The following DCAF10 variants were observed in gnomAD, a reference collection of about 807,000 sequenced individuals.
The protein encoded by DCAF10 is DDB1 and CUL4 associated factor 10, also known as DDB1- and CUL4-associated factor 10.
A neutral mutation model predicts 51.9 loss-of-function variants in DCAF10; 19 were observed. That is an observed-to-expected ratio of 0.37 (90% CI 0.26 to 0.54). DCAF10 has a LOEUF of 0.54. Ranked by LOEUF, DCAF10 falls within the 20% of genes least tolerant of loss-of-function variation. The probability of loss-of-function intolerance (pLI) is 0.87; values close to 1 mark genes in which losing one functional copy is unlikely to be tolerated. For missense variants in DCAF10, 510 were observed against 730.6 expected, an observed-to-expected ratio of 0.70 and a Z score of 3.48; for synonymous variants, 291 against 297.1, an observed-to-expected ratio of 0.98 and a Z score of 0.21.
Position 37,809,093 on chromosome 9 carries a change from G to GA in DCAF10, c.539+7703dup, listed in dbSNP as rs60046914. 8.9e-3 allele frequency among the ~76,000 whole-genome samples: 871 copies of GA among 97,858 alleles called. 3 individuals are homozygous for GA. Among genetic ancestry groups the GA allele is most frequent in the East Asian group, 0.036 (114 of 3,188 alleles). The allele number at this position is 97,858 out of a possible 152,430, so 64.2% of individuals were successfully genotyped here. ...TGACAGAATGAGACTCTGTCTCAAA[G>GA]AAAAAAAAAAAAAAAGATAACTAGA... On this transcript the variant is annotated intron_variant, in intron 1 of 6. Coordinates refer to ENST00000377724, the MANE Select transcript of DCAF10 (RefSeq NM_024345.5).
intron 2 of DCAF10, among the ~76,000 whole-genome samples, chr9:37,819,651 G>C (rs1215956718): frequency 6.6e-6 from 1 of 152,102 alleles, no homozygotes; most frequent in Admixed American, 6.5e-5. Context: ...ATATATTAGG[G>C]TCATCATTAT....
At chr9:37,826,375 A>T (rs1829851970) in intron 2 of DCAF10, among the ~76,000 whole-genome samples, 1 of 152,244 alleles carries the variant, frequency 6.6e-6, no homozygotes, top group South Asian at 2.1e-4. Flanking sequence ...GCAAAAATTT[A>T]AAAGCTGGAT....
chr9:37,811,428 C>T (rs1032116059), intron 1 of DCAF10, among the ~76,000 whole-genome samples: 6 of 152,026 alleles, frequency 3.9e-5, no homozygotes, highest in South Asian at 2.1e-4. Flanking sequence ...CAAAGAGATT[C>T]GTTGTCTGAA....
intron 1 of DCAF10, among the ~76,000 whole-genome samples, chr9:37,816,550 A>G (rs1829538925): frequency 6.6e-6 from 1 of 152,160 alleles, no homozygotes; most frequent in Non-Finnish European, 1.5e-5. Context: ...AGATTGTGCC[A>G]TTGCACTCCA....
In DCAF10 at chr9:37,800,871, T is replaced by C. The variant is rs1564020171; in HGVS notation, c.5T>C (p.Phe2Ser). Reference protein sequence around the residue: MFPFGPHSPGGD... With the variant: MSPFGPHSPGGD... ...CGGGGGGCGGGGGCGTTGATCATGT[T>C]TCCCTTTGGGCCCCATAGCCCTGGA... Residue 2 changes from phenylalanine to serine, a missense_variant, in exon 1 of 7, where the codon TTT (phenylalanine) becomes TCT (serine). Around this residue, in one of 4 missense-constraint regions of DCAF10, gnomAD observed 251 missense variants for 227.9 expected, o/e 1.10. Coordinates refer to ENST00000377724, the MANE Select transcript of DCAF10 (RefSeq NM_024345.5). 1.3e-6 allele frequency: 2 copies of C among 1,494,006 alleles called. No individual in the cohort carries two copies. The highest frequency in any genetic ancestry group is 2.5e-5 in the East Asian group (1 of 40,486). The allele number at this position is 1,494,006 out of a possible 1,614,324, so 92.5% of individuals were successfully genotyped here.
chr9:37,808,805 A>ATATAAAATATATATTT (rs1829239499), intron 1 of DCAF10, among the ~76,000 whole-genome samples: 1 of 28,760 alleles, frequency 3.5e-5, no homozygotes, highest in Non-Finnish European at 1.1e-4. Context: ...TTTGGAAGTC[A>ATATAAAATATATATTT]AGAGACAAGT....
chr9:37,861,338 T>G lies in DCAF10; in HGVS notation c.1510T>G (p.Cys504Gly), dbSNP rs781249730. ...GIRLLGFDKQ[C>G]SELVDCLPKE... ...TCGCTTGTTGGGATTTGACAAACAG[T>G]GCAGTGAACTTGTTGACTGCTTGCC... is the stretch of plus-strand genomic sequence containing the variant. The change falls in exon 7 of 7, where the codon TGC becomes GGC. Residue 504 changes from cysteine to glycine, a missense_variant. By Grantham distance (159) the Cys-to-Gly change is radical (BLOSUM62 -3). Coordinates refer to ENST00000377724, the MANE Select transcript of DCAF10 (RefSeq NM_024345.5). The surrounding 1 kb of genome is among the most constrained non-coding windows in gnomAD (Gnocchi z 4.9). The G allele has an allele frequency of 3.1e-6, 5 of 1,614,220 alleles. No homozygotes were observed. The highest frequency in any genetic ancestry group is 4.2e-6 in the Non-Finnish European group (5 of 1,180,034).
intron 1 of DCAF10, among the ~76,000 whole-genome samples, chr9:37,815,065 G>T (rs762766094): frequency 7.9e-5 from 12 of 152,032 alleles, no homozygotes; most frequent in Non-Finnish European, 1.8e-4. Context: ...ATATATTAAA[G>T]GAAAAATATA....
chr9:37,820,558 A>T (rs1378123674), intron 2 of DCAF10, among the ~76,000 whole-genome samples: 1 of 152,206 alleles, frequency 6.6e-6, no homozygotes, highest in Non-Finnish European at 1.5e-5. Context: ...ACACAGCCTC[A>T]TCAATAGCTA....
rs568050204 is a variant in DCAF10, at chr9:37,844,293, G to A, written c.851+2007G>A. 1.3e-4 allele frequency among the ~76,000 whole-genome samples: 20 copies of A among 152,016 alleles called. No homozygotes were observed. The East Asian group carries it at 3.9e-3, about 30-fold the overall frequency. On this transcript the variant is annotated intron_variant, in intron 3 of 6. Transcript: ENST00000377724. ...CCCAGCACTTTGGGAGGCTGAGGTG[G>A]GCAGATCACTTGCGGTCAGGAGACC... is the stretch of plus-strand genomic sequence containing the variant.
At chr9:37,800,664 T>C (rs1224045359), upstream of DCAF10, 10 of 1,535,994 alleles carry the variant, frequency 6.5e-6, no homozygotes, top group Non-Finnish European at 8.7e-6. Context: ...ACTCGCTCCC[T>C]ACCTCCGTTC....
In DCAF10 at chr9:37,829,071, G is replaced by GT. The variant is rs1829935362; in HGVS notation, c.653+9671dup. 6.6e-6 allele frequency among the ~76,000 whole-genome samples: 1 copy of GT among 152,302 alleles called. No homozygotes were observed. Among genetic ancestry groups the GT allele is most frequent in the East Asian group, 1.9e-4 (1 of 5,186 alleles). The stretch of plus-strand genomic sequence containing the variant: ...GATAGGCTATAGTTGGTGGGAGAAG[G>GT]TATTTTCAATGTACATAACCAGAAA... On this transcript the variant is annotated intron_variant, in intron 2 of 6. Coordinates refer to ENST00000377724, the MANE Select transcript of DCAF10 (RefSeq NM_024345.5). This position sits in a 1 kb window ranked among gnomAD's most constrained non-coding sequence, Gnocchi z 4.2.
chr9:37,818,471 A>C (rs1829610812), intron 1 of DCAF10, among the ~76,000 whole-genome samples: 1 of 152,188 alleles, frequency 6.6e-6, no homozygotes, highest in South Asian at 2.1e-4. Flanking sequence ...GCCCACAAAA[A>C]ACTTATACTT....
At position 37,862,379 on chromosome 9, in the gene DCAF10, C is replaced by G. The variant is rs1389578908; in HGVS notation, c.*871C>G. 1.3e-5 allele frequency: 2 copies of G among 152,192 alleles called. No individual in the cohort carries two copies. Among genetic ancestry groups the G allele is most frequent in the African/African-American group, 4.8e-5 (2 of 41,436 alleles). 9.4% of individuals were successfully genotyped at this position (152,192 alleles called of 1,614,324 possible). Reference sequence around the variant, plus strand: ...ATATCTGGCCATAGAGTGATAAGAACAATATGACTTAGATTTTCTGTATTT... The same window carrying G: ...ATATCTGGCCATAGAGTGATAAGAAGAATATGACTTAGATTTTCTGTATTT... On this transcript the variant is annotated 3_prime_UTR_variant, in exon 7 of 7. Coordinates refer to ENST00000377724, the MANE Select transcript of DCAF10 (RefSeq NM_024345.5).
At chr9:37,833,432 G>A (rs766834853) in intron 2 of DCAF10, among the ~76,000 whole-genome samples, 4 of 152,086 alleles carry the variant, frequency 2.6e-5, no homozygotes, top group Non-Finnish European at 5.9e-5. Context: ...GGGATCGTCT[G>A]TAGTTAAATA....
At chr9:37,853,153 A>G (rs1302664706) in intron 3 of DCAF10, among the ~76,000 whole-genome samples, 1 of 90,032 alleles carries the variant, frequency 1.1e-5, no homozygotes, top group Non-Finnish European at 2.3e-5. Flanking sequence ...ACTCCGTCTC[A>G]AAAAAAAAAA....
In DCAF10 at chr9:37,863,325, CAAAAAAAAAAAA is replaced by C. The variant is rs770292432; in HGVS notation, c.*1830_*1841del. On this transcript the variant is annotated 3_prime_UTR_variant, in exon 7 of 7. Transcript: ENST00000377724. Reference sequence around the variant, plus strand: ...TAGGCGACAGAGCGAGACTCTGTCTCAAAAAAAAAAAAAAAAAAAAAAAATTCTTCTCTACCC... The same window carrying C: ...TAGGCGACAGAGCGAGACTCTGTCTCAAAAAAAAAAAATTCTTCTCTACCC... 7.0e-5 allele frequency: 4 copies of C among 57,426 alleles called. No homozygotes were observed. Among genetic ancestry groups the C allele is most frequent in the African/African-American group, 1.2e-4 (2 of 16,450 alleles). 3.6% of individuals were successfully genotyped at this position (57,426 alleles called of 1,614,324 possible).
intron 2 of DCAF10, among the ~76,000 whole-genome samples, chr9:37,835,801 G>A (rs1344317331): frequency 1.3e-5 from 2 of 152,224 alleles, no homozygotes; most frequent in East Asian, 3.8e-4. Context: ...AGATGGACTT[G>A]ACAATATAAG....
chr9:37,821,674 TA>T (rs901976027), intron 2 of DCAF10, among the ~76,000 whole-genome samples: 10 of 151,590 alleles, frequency 6.6e-5, no homozygotes, highest in African/African-American at 1.7e-4. Flanking sequence ...GAAACTATAA[TA>T]AAAAAAACCC....
Sources: gnomAD v4.1 joint callset for allele counts (sites outside exome capture counted in the v4.1 genomes callset) on GRCh38, gnomAD v4.1.1 for gene constraint, gnomAD v4.1.1 regional missense constraint, Gnocchi (gnomAD v3.1) non-coding constraint, MANE v1.5 for transcripts, NCBI Gene and HGNC (gene_info 2026-07-23, HGNC 2026-07-21) for gene names.